The following WDR25 variants were observed in gnomAD, a reference collection of about 807,000 sequenced individuals.
WDR25 encodes WD repeat domain 25.
WDR25 carries 35 observed loss-of-function variants against 47.7 expected under a neutral mutation model. The ratio of observed to expected loss-of-function variants is 0.73; its 90% CI spans 0.56 to 0.97. WDR25 has a LOEUF of 0.97. Ranked by LOEUF, WDR25 falls within the 50% of genes least tolerant of loss-of-function variation. The pLI is 0.00. For synonymous variants in WDR25, 248 were observed against 278.9 expected, an observed-to-expected ratio of 0.89 and a Z score of 1.10; for missense variants, 634 against 704.7, an observed-to-expected ratio of 0.90 and a Z score of 1.14.
chr14:100,497,885 C>T (rs1013357203), intron 4 of WDR25, among the ~76,000 whole-genome samples: 1 of 152,120 alleles, frequency 6.6e-6, no homozygotes, highest in African/African-American at 2.4e-5. Context: ...CCCTGGTTGT[C>T]CCCCGGTGGG....
intron 2 of WDR25, among the ~76,000 whole-genome samples, chr14:100,390,485 G>C (rs570264359): frequency 6.6e-6 from 1 of 152,068 alleles, no homozygotes; most frequent in Non-Finnish European, 1.5e-5. Flanking sequence ...GCCGGATGTA[G>C]GGTTATGAGG....
intron 2 of WDR25, among the ~76,000 whole-genome samples, chr14:100,462,046 A>G (rs771261485): frequency 1.3e-5 from 2 of 152,084 alleles, no homozygotes; most frequent in Non-Finnish European, 2.9e-5. Context: ...AATTTACAAG[A>G]AGACTGTATT....
intron 1 of WDR25, among the ~76,000 whole-genome samples, chr14:100,379,362 A>G (rs1328258103): frequency 6.7e-6 from 1 of 149,130 alleles, no homozygotes; most frequent in Non-Finnish European, 1.5e-5. Flanking sequence ...CTCTGTAGGC[A>G]TTGTCTCTTC....
intron 2 of WDR25, among the ~76,000 whole-genome samples, chr14:100,445,216 G>A (rs75442163): frequency 0.048 from 7,365 of 152,218 alleles, 575 homozygotes; most frequent in African/African-American, 0.17. Context: ...AGCAAAGTCT[G>A]GATGAATTTA....
At chr14:100,478,294 C>T (rs1386589402) in intron 3 of WDR25, among the ~76,000 whole-genome samples, 1 of 152,212 alleles carries the variant, frequency 6.6e-6, no homozygotes, top group Admixed American at 6.5e-5. Flanking sequence ...GACGACCTTA[C>T]ATTTGTAAGA....
intron 2 of WDR25, among the ~76,000 whole-genome samples, chr14:100,433,076 ATGT>A (rs1464758155): frequency 7.2e-5 from 11 of 152,256 alleles, no homozygotes; most frequent in Admixed American, 7.2e-4. Flanking sequence ...ATTGACTGAA[ATGT>A]TGTTATGCAG....
At chr14:100,475,448 T>TA (rs1192839132) in intron 3 of WDR25, among the ~76,000 whole-genome samples, 1 of 152,180 alleles carries the variant, frequency 6.6e-6, no homozygotes, top group African/African-American at 2.4e-5. Flanking sequence ...TCTACAGCCT[T>TA]AAAAAAGAAG....
intron 2 of WDR25, among the ~76,000 whole-genome samples, chr14:100,414,187 G>A (rs1053265173): frequency 6.6e-6 from 1 of 151,908 alleles, no homozygotes; most frequent in Non-Finnish European, 1.5e-5. Context: ...TAGTAGAGAC[G>A]AGGTCTCACT....
intron 2 of WDR25, among the ~76,000 whole-genome samples, chr14:100,387,552 A>G (rs1897047135): frequency 6.6e-6 from 1 of 152,224 alleles, no homozygotes; most frequent in African/African-American, 2.4e-5. Context: ...AGTGCTTACC[A>G]TGTACTAGGC....
At chr14:100,466,927 G>A (rs749835014) in intron 2 of WDR25, among the ~76,000 whole-genome samples, 46 of 152,206 alleles carry the variant, frequency 3.0e-4, no homozygotes, top group Non-Finnish European at 5.1e-4. Context: ...TGTGTTTGGC[G>A]GCATTTGCTG....
chr14:100,459,939 TAC>T (rs143430873), intron 2 of WDR25, among the ~76,000 whole-genome samples: 60 of 84,842 alleles, frequency 7.1e-4, no homozygotes, highest in African/African-American at 2.5e-3. Flanking sequence ...TATATATATA[TAC>T]ACATACACAT....
intron 2 of WDR25, chr14:100,382,077 G>A: frequency 1.4e-6 from 1 of 702,932 alleles, no homozygotes; most frequent in Non-Finnish European, 2.6e-6. Flanking sequence ...GGACATCCTC[G>A]GTGACCCTGT....
intron 4 of WDR25, among the ~76,000 whole-genome samples, chr14:100,497,038 T>C (rs1056034393): frequency 1.3e-5 from 2 of 152,152 alleles, no homozygotes; most frequent in Non-Finnish European, 2.9e-5. Flanking sequence ...TTCACCGTAT[T>C]GGTCAGGCTG....
Position 100,378,821 on chromosome 14 carries a change from A to G in WDR25, c.-15-2089A>G, listed in dbSNP as rs1416873214. 6.0e-5 allele frequency among the ~76,000 whole-genome samples: 4 copies of G among 66,414 alleles called. 2 individuals carry two copies. Among genetic ancestry groups the G allele is most frequent in the Non-Finnish European group, 1.7e-4 (4 of 22,916 alleles). 43.6% of individuals were successfully genotyped at this position (66,414 alleles called of 152,430 possible). On this transcript the variant is annotated intron_variant, in intron 1 of 6. Transcript: ENST00000402312. Reference sequence around the variant, plus strand: ...AAAATACAAAAAATTAGCCGGGCGTAGTGGCGGGCGCCTGTAGTCCCAGCT... The same window carrying G: ...AAAATACAAAAAATTAGCCGGGCGTGGTGGCGGGCGCCTGTAGTCCCAGCT...
chr14:100,410,781 ATTTT>A (rs560217272), intron 2 of WDR25, among the ~76,000 whole-genome samples: 3 of 139,152 alleles, frequency 2.2e-5, no homozygotes, highest in African/African-American at 2.6e-5. Context: ...GTTTAAGCAG[ATTTT>A]TTTTTTTTTT....
Position 100,500,501 on chromosome 14 carries a change from C to CT in WDR25, c.1101+16383dup, listed in dbSNP as rs990885650. ...CAAGGCCAGTGCACCACAAAGTGGCCTTTTTTGGTCCCTGTTGACCCTGTG... is the reference window on the plus strand; with the variant it reads ...CAAGGCCAGTGCACCACAAAGTGGCCTTTTTTTGGTCCCTGTTGACCCTGTG... On this transcript the variant is annotated intron_variant, in intron 4 of 6. Coordinates refer to ENST00000402312, the MANE Select transcript of WDR25 (RefSeq NM_001161476.3). The surrounding 1 kb of genome is among the most constrained non-coding windows in gnomAD (Gnocchi z 4.7). Among the ~76,000 whole-genome samples, 3 of 152,320 alleles carry CT rather than the reference C, an allele frequency of 2.0e-5. No homozygotes were observed. Among genetic ancestry groups the CT allele is most frequent in the East Asian group, 3.9e-4 (2 of 5,182 alleles).
chr14:100,391,992 G>A (rs922440224), intron 2 of WDR25, among the ~76,000 whole-genome samples: 9 of 152,166 alleles, frequency 5.9e-5, no homozygotes, highest in African/African-American at 2.2e-4. Flanking sequence ...ACATTAATGA[G>A]ATCTGCAAAA....
At position 100,449,001 on chromosome 14, in the gene WDR25, A is replaced by G. The variant is rs1266976956; in HGVS notation, c.823-19020A>G. Among the ~76,000 whole-genome samples, 1 of 152,036 alleles carries G rather than the reference A, an allele frequency of 6.6e-6. No homozygotes were observed. Among genetic ancestry groups the G allele is most frequent in the African/African-American group, 2.4e-5 (1 of 41,420 alleles). ...CAGAGTGAGTTTGGGAAACGCACCT[A>G]GAAAGTGGCGTGCAAGGACGATCGT... On this transcript the variant is annotated intron_variant, in intron 2 of 6. Coordinates refer to ENST00000402312, the MANE Select transcript of WDR25 (RefSeq NM_001161476.3). The surrounding 1 kb of genome is among the most constrained non-coding windows in gnomAD (Gnocchi z 4.2).
chr14:100,454,633 T>C, intron 2 of WDR25: 1 of 410,702 alleles, frequency 2.4e-6, no homozygotes, highest in South Asian at 1.8e-5. Context: ...GTTTCTGACT[T>C]TTATGATTTT....
Sources: allele counts gnomAD v4.1 joint callset (sites outside exome capture counted in the v4.1 genomes callset), GRCh38; gene constraint gnomAD v4.1.1; non-coding constraint Gnocchi (gnomAD v3.1); transcripts MANE v1.5; gene names NCBI Gene and HGNC (gene_info 2026-07-23, HGNC 2026-07-21).